Variants in TSNARE1 observed in about 807,000 individuals in gnomAD.
The protein encoded by TSNARE1 is t-SNARE domain-containing protein 1.
Under a neutral mutation model 62.0 loss-of-function variants are expected in TSNARE1, and 49 were observed. That is an observed-to-expected ratio of 0.79 (90% CI 0.63 to 1.00). The LOEUF is 1.00. Among genes scored for constraint, TSNARE1 ranks in the 50% least tolerant of loss-of-function variants. TSNARE1 has a pLI of 0.00. For synonymous variants in TSNARE1, 328 were observed against 294.4 expected (o/e 1.11, Z -1.17); for missense variants, 755 against 700.1 (o/e 1.08, Z -0.88).
At chr8:142,352,510 G>C (rs1371261406) in intron 2 of TSNARE1, among the ~76,000 whole-genome samples, 2 of 152,278 alleles carry the variant, frequency 1.3e-5, no homozygotes, top group African/African-American at 2.4e-5. Flanking sequence ...CAGGCTGTGA[G>C]GGACGACACA....
chr8:142,401,166 G>T (rs1277362620), intron 1 of TSNARE1, among the ~76,000 whole-genome samples: 2 of 152,146 alleles, frequency 1.3e-5, no homozygotes, highest in Non-Finnish European at 2.9e-5. Context: ...TGACCTAGCT[G>T]TACTTCTCAC....
At chr8:142,323,531 C>T (rs766519934) in intron 6 of TSNARE1, among the ~76,000 whole-genome samples, 8 of 152,192 alleles carry the variant, frequency 5.3e-5, no homozygotes, top group East Asian at 1.9e-4. Context: ...TGAGGGGCAA[C>T]GGGGCAGCAA....
chr8:142,220,686 A>C (rs2129905094), intron 13 of TSNARE1, among the ~76,000 whole-genome samples: 1 of 152,314 alleles, frequency 6.6e-6, no homozygotes, highest in East Asian at 1.9e-4. Context: ...TCACGCCCCA[A>C]AGGCAGCAGG....
chr8:142,397,580 C>T (rs2131455837), intron 1 of TSNARE1, among the ~76,000 whole-genome samples: 1 of 152,276 alleles, frequency 6.6e-6, no homozygotes, highest in South Asian at 2.1e-4. Context: ...CAGGGCAAAT[C>T]AGAGGGAGAA....
chr8:142,349,971 G>GGTGCCCCAGTGTCACAACTGACA (rs1833875673), intron 2 of TSNARE1, among the ~76,000 whole-genome samples: 1 of 149,200 alleles, frequency 6.7e-6, no homozygotes, highest in Admixed American at 6.7e-5. Context: ...GGGCAGGCAG[G>GGTGCCCCAGTGTCACAACTGACA]GCAGGCAAGG....
At chr8:142,331,918 A>T in intron 4 of TSNARE1, 87 bp from the exon 5 acceptor site, 2 of 1,331,776 alleles carry the variant, frequency 1.5e-6, no homozygotes, top group Non-Finnish European at 2.1e-6. Flanking sequence ...GGCAGCCCCC[A>T]GGGGCAGGGA....
chr8:142,329,512 G>A (rs2131978272), intron 6 of TSNARE1, among the ~76,000 whole-genome samples: 1 of 152,328 alleles, frequency 6.6e-6, no homozygotes, highest in African/African-American at 2.4e-5. Flanking sequence ...AAGCACAGCA[G>A]CTTCACTGGG....
chr8:142,346,015 C>T (rs1833326353), intron 2 of TSNARE1, 123 bp from the exon 3 acceptor site: 1 of 1,163,116 alleles, frequency 8.6e-7, no homozygotes, highest in Admixed American at 2.4e-5. Context: ...GCTCCTCCTC[C>T]AGGAAGCCCT....
intron 12 of TSNARE1, among the ~76,000 whole-genome samples, chr8:142,242,117 C>T (rs80058145): frequency 6.4e-4 from 36 of 56,446 alleles, no homozygotes; most frequent in African/African-American, 3.9e-3. Context: ...GATGGAAGAC[C>T]GACATGTGAG....
chr8:142,289,946 C>T (rs150562050), intron 10 of TSNARE1, among the ~76,000 whole-genome samples: 1 of 152,194 alleles, frequency 6.6e-6, no homozygotes, highest in Non-Finnish European at 1.5e-5. Flanking sequence ...AGAGGGCCCA[C>T]CACAAGAGAC....
In TSNARE1 at chr8:142,390,262, T is replaced by G. The variant is rs151018241; in HGVS notation, c.-40+12842A>C. ...CTTTATAACAGACGCTGTACACTGC[T>G]GGGGACTCCGTAACAGACGCTGTAC... On this transcript the variant is annotated intron_variant, in intron 1 of 13. Coordinates refer to ENST00000524325, the MANE Select transcript of TSNARE1 (RefSeq NM_145003.5). 9.5e-3 allele frequency among the ~76,000 whole-genome samples: 1,319 copies of G among 139,416 alleles called. 11 individuals carry two copies. The highest frequency in any genetic ancestry group is 0.013 in the East Asian group (59 of 4,480). 91.5% of individuals were successfully genotyped at this position (139,416 alleles called of 152,430 possible). A position where few individuals can be genotyped will look rare whatever the true frequency, so the allele number is the denominator to read the frequency against.
chr8:142,350,725 T>C (rs781423759), intron 2 of TSNARE1, among the ~76,000 whole-genome samples: 7 of 152,058 alleles, frequency 4.6e-5, no homozygotes, highest in Non-Finnish European at 8.8e-5. Flanking sequence ...AGACAAATAA[T>C]TACAATAAAA....
intron 1 of TSNARE1, among the ~76,000 whole-genome samples, chr8:142,370,686 T>C (rs964060980): frequency 2.0e-5 from 3 of 152,034 alleles, no homozygotes; most frequent in Admixed American, 6.5e-5. Flanking sequence ...CTCAACCTGA[T>C]GAAAACCAAA....
intron 12 of TSNARE1, chr8:142,273,241 C>G: frequency 2.0e-6 from 2 of 985,436 alleles, no homozygotes. Context: ...CCGTCCCAGG[C>G]ATCAGCGCTG....
At chr8:142,294,438 C>G (rs1360797373) in intron 10 of TSNARE1, among the ~76,000 whole-genome samples, 1 of 152,256 alleles carries the variant, frequency 6.6e-6, no homozygotes, top group Non-Finnish European at 1.5e-5. Flanking sequence ...TCCCAACCAT[C>G]TGGCAGGAGT....
intron 9 of TSNARE1, among the ~76,000 whole-genome samples, chr8:142,310,850 GT>G (rs1827460812): frequency 6.6e-6 from 1 of 151,862 alleles, no homozygotes; most frequent in African/African-American, 2.4e-5. Flanking sequence ...GTTTTTGCTT[GT>G]TTTTGTTTTT....
intron 12 of TSNARE1, among the ~76,000 whole-genome samples, chr8:142,258,333 A>C (rs1181846228): frequency 6.6e-6 from 1 of 152,092 alleles, no homozygotes; most frequent in Non-Finnish European, 1.5e-5. Flanking sequence ...AAATGCACGC[A>C]CCCGCCCACT....
chr8:142,404,570 T>TCC (rs922984037), upstream of TSNARE1: 1 of 151,938 alleles, frequency 6.6e-6, no homozygotes, highest in African/African-American at 2.4e-5. Flanking sequence ...TATTTCAGTC[T>TCC]CCCCTGGGCT....
chr8:142,276,219 G>C, intron 11 of TSNARE1: 2 of 985,438 alleles, frequency 2.0e-6, no homozygotes, highest in Non-Finnish European at 2.4e-6. Context: ...TGACGGCCTC[G>C]GCCGCTCCTG....
Sources: allele counts gnomAD v4.1 joint callset (sites outside exome capture counted in the v4.1 genomes callset), GRCh38; gene constraint gnomAD v4.1.1; transcripts MANE v1.5; gene names NCBI Gene and HGNC (gene_info 2026-07-23, HGNC 2026-07-21).